ZNF644: variants seen among roughly 807,000 people sequenced by gnomAD.
The protein encoded by ZNF644 is zinc finger protein 644, also known as zinc finger motif enhancer binding protein 2.
Under a neutral mutation model 108.0 loss-of-function variants are expected in ZNF644, and 20 were observed. The ratio of observed to expected loss-of-function variants is 0.19; its 90% CI spans 0.13 to 0.27. The LOEUF (loss-of-function observed/expected upper bound fraction) is 0.27. Among genes scored for constraint, ZNF644 ranks in the 10% least tolerant of loss-of-function variants. The pLI is 1.00. For missense variants in ZNF644, 1,338 were observed against 1,548.9 expected (o/e 0.86, Z 2.29); for synonymous variants, 542 against 539.1 (o/e 1.01, Z -0.08).
chr1:90,934,471 A>G (rs773663922), intron 4 of ZNF644, among the ~76,000 whole-genome samples: 2 of 152,164 alleles, frequency 1.3e-5, no homozygotes, highest in Non-Finnish European at 2.9e-5. Flanking sequence ...TATGTCAAAA[A>G]GAGGGTATAT....
intron 2 of ZNF644, among the ~76,000 whole-genome samples, chr1:90,943,397 C>A (rs757427018): frequency 1.4e-4 from 22 of 152,066 alleles, no homozygotes; most frequent in Non-Finnish European, 3.1e-4. Flanking sequence ...GCCAAGATTG[C>A]GCCATTGCAC....
chr1:90,922,358 G>T (rs1649542731), intron 4 of ZNF644, among the ~76,000 whole-genome samples: 5 of 152,100 alleles, frequency 3.3e-5, no homozygotes, highest in Admixed American at 3.3e-4. Flanking sequence ...CTACGAGAGG[G>T]AAGAAAATTT....
chr1:91,018,495 T>C (rs1051971379), intron 1 of ZNF644, among the ~76,000 whole-genome samples: 1 of 152,242 alleles, frequency 6.6e-6, no homozygotes, highest in Non-Finnish European at 1.5e-5. Context: ...TTCATTCTCG[T>C]TTTATTTTAC....
intron 4 of ZNF644, among the ~76,000 whole-genome samples, chr1:90,924,787 A>G (rs1649835093): frequency 6.6e-6 from 1 of 152,126 alleles, no homozygotes; most frequent in Non-Finnish European, 1.5e-5. Context: ...AGCTACAATT[A>G]AATACATAAA....
At chr1:90,957,068 C>T (rs1259861220) in intron 2 of ZNF644, among the ~76,000 whole-genome samples, 1 of 151,994 alleles carries the variant, frequency 6.6e-6, no homozygotes, top group East Asian at 1.9e-4. Context: ...AGAAAAATTC[C>T]TAGAAACACA....
chr1:91,009,087 T>C (rs1300522094), intron 1 of ZNF644, among the ~76,000 whole-genome samples: 2 of 151,770 alleles, frequency 1.3e-5, no homozygotes, highest in Non-Finnish European at 2.9e-5. Context: ...ATAATCATAA[T>C]AGAAAGAAAA....
chr1:90,923,916 A>C (rs2100808676), intron 4 of ZNF644, among the ~76,000 whole-genome samples: 1 of 152,306 alleles, frequency 6.6e-6, no homozygotes, highest in Middle Eastern at 3.4e-3. Context: ...GTTCAGAGAA[A>C]GAGTTAAAGG....
At chr1:91,017,936 TG>T (rs1660573859) in intron 1 of ZNF644, among the ~76,000 whole-genome samples, 1 of 152,118 alleles carries the variant, frequency 6.6e-6, no homozygotes, top group Non-Finnish European at 1.5e-5. Flanking sequence ...CACCCGCGCC[TG>T]GGAAACAGAC....
chr1:91,010,236 C>CTTT (rs577966817), intron 1 of ZNF644, among the ~76,000 whole-genome samples: 12 of 129,902 alleles, frequency 9.2e-5, no homozygotes, highest in African/African-American at 2.3e-4. Context: ...ATGTCTGTGC[C>CTTT]TTTTTTTTTT....
chr1:90,961,091 A>G (rs1654292473), intron 2 of ZNF644, among the ~76,000 whole-genome samples: 1 of 152,176 alleles, frequency 6.6e-6, no homozygotes, highest in Non-Finnish European at 1.5e-5. Flanking sequence ...ATAAAAAGCG[A>G]TACAAGTGGT....
At chr1:91,007,219 C>CTTTTTTTTTTTTTT (rs1557658445) in intron 1 of ZNF644, among the ~76,000 whole-genome samples, 1 of 114,246 alleles carries the variant, frequency 8.8e-6, no homozygotes, top group Non-Finnish European at 1.8e-5. Flanking sequence ...CATTTTCTCC[C>CTTTTTTTTTTTTTT]ATTTTGTTTT....
At chr1:90,945,482 G>T (rs889652475) in intron 2 of ZNF644, among the ~76,000 whole-genome samples, 5 of 152,094 alleles carry the variant, frequency 3.3e-5, no homozygotes, top group African/African-American at 9.7e-5. Flanking sequence ...CAAGATGACA[G>T]ATCATCACTT....
At chr1:90,952,669 G>A (rs1653295774) in intron 2 of ZNF644, among the ~76,000 whole-genome samples, 1 of 151,940 alleles carries the variant, frequency 6.6e-6, no homozygotes, top group Non-Finnish European at 1.5e-5. Context: ...TGAAGCAAGG[G>A]GAGACAAAAG....
At chr1:90,984,407 T>C (rs1410290845) in intron 1 of ZNF644, among the ~76,000 whole-genome samples, 2 of 151,412 alleles carry the variant, frequency 1.3e-5, no homozygotes, top group Admixed American at 6.6e-5. Context: ...AGGTAACTTA[T>C]GAGGCCTTTA....
intron 1 of ZNF644, among the ~76,000 whole-genome samples, chr1:90,999,390 A>G (rs1658518880): frequency 6.6e-6 from 1 of 152,216 alleles, no homozygotes; most frequent in South Asian, 2.1e-4. Flanking sequence ...CAAATATTCA[A>G]CATTCTTAAC....
At chr1:91,006,728 T>G (rs368078099) in intron 1 of ZNF644, among the ~76,000 whole-genome samples, 2 of 152,102 alleles carry the variant, frequency 1.3e-5, no homozygotes, top group African/African-American at 2.4e-5. Context: ...TATCCTTGAA[T>G]CTCCCTTCAT....
intron 1 of ZNF644, among the ~76,000 whole-genome samples, chr1:91,003,025 GA>G (rs1171494111): frequency 6.6e-6 from 1 of 152,190 alleles, no homozygotes; most frequent in Non-Finnish European, 1.5e-5. Context: ...AAAAAGTCAG[GA>G]AACAACAGGT....
At chr1:90,978,109 T>G (rs1483879946) in intron 2 of ZNF644, among the ~76,000 whole-genome samples, 2 of 152,196 alleles carry the variant, frequency 1.3e-5, no homozygotes, top group Non-Finnish European at 2.9e-5. Flanking sequence ...CCCAGCACTT[T>G]GGGAGGCTGA....
intron 2 of ZNF644, among the ~76,000 whole-genome samples, chr1:90,946,948 G>A (rs1652577293): frequency 6.6e-6 from 1 of 152,128 alleles, no homozygotes; most frequent in Non-Finnish European, 1.5e-5. Flanking sequence ...TTACTGCAAA[G>A]TATAGTAAAT....
Sources: allele counts gnomAD v4.1 joint callset (sites outside exome capture counted in the v4.1 genomes callset), GRCh38; gene constraint gnomAD v4.1.1; transcripts MANE v1.5; gene names NCBI Gene and HGNC (gene_info 2026-07-23, HGNC 2026-07-21).